The following FRAS1 variants were observed in gnomAD, a reference collection of about 807,000 sequenced individuals.
The protein encoded by FRAS1 is Fraser extracellular matrix complex subunit 1.
In FRAS1, 290 loss-of-function variants were observed where a neutral mutation model predicts 435.2. The ratio of observed to expected loss-of-function variants is 0.67; its 90% CI spans 0.61 to 0.73. The LOEUF is 0.73. Ranked by LOEUF, FRAS1 falls within the 30% of genes least tolerant of loss-of-function variation. The pLI is 0.00. For missense variants in FRAS1, 4,860 were observed against 5,001.5 expected (o/e 0.97, Z 0.85); for synonymous variants, 1,800 against 1,851.0 (o/e 0.97, Z 0.71).
chr4:78,072,196 G>A (rs1740392695), intron 2 of FRAS1: 1 of 152,096 alleles, frequency 6.6e-6, no homozygotes, highest in African/African-American at 2.4e-5. Context: ...AGCAGAAAAA[G>A]ATTTGAGAAC....
intron 27 of FRAS1, among the ~76,000 whole-genome samples, 155 bp from the exon 28 acceptor site, chr4:78,383,904 G>C (rs2110325197): frequency 6.6e-6 from 1 of 152,178 alleles, no homozygotes; most frequent in Admixed American, 6.5e-5. Context: ...TCTTTATCTG[G>C]TAGTTTTTTC....
At chr4:78,274,647 A>C (rs551062527) in intron 9 of FRAS1, among the ~76,000 whole-genome samples, 1 of 152,232 alleles carries the variant, frequency 6.6e-6, no homozygotes, top group South Asian at 2.1e-4. Context: ...CTTAATCCTG[A>C]GTTCTAGTTT....
chr4:78,249,643 C>T (rs887069694), intron 4 of FRAS1, among the ~76,000 whole-genome samples: 12 of 152,000 alleles, frequency 7.9e-5, no homozygotes, highest in African/African-American at 2.9e-4. Flanking sequence ...TTCTTAATTC[C>T]CACAATTCTC....
chr4:78,507,880 G>T lies in FRAS1; in HGVS notation c.9504+272G>T, dbSNP rs140187486. Among the ~76,000 whole-genome samples, 360 of 152,202 alleles carry T rather than the reference G, an allele frequency of 2.4e-3. 1 individual carries two copies. Among genetic ancestry groups the T allele is most frequent in the African/African-American group, 8.1e-3 (335 of 41,530 alleles). On this transcript the variant is annotated intron_variant, in intron 62 of 73. Transcript: ENST00000512123. ...TCCCATAATGCACAGGGAAGCCCCC[G>T]ACAACAAAAGTAATTATTTGGCACA...
chr4:78,366,659 G>A (rs1177223887), intron 22 of FRAS1, among the ~76,000 whole-genome samples: 1 of 152,146 alleles, frequency 6.6e-6, no homozygotes, highest in East Asian at 1.9e-4. Flanking sequence ...CAGATGTGAT[G>A]GTTACAGCAC....
intron 2 of FRAS1, among the ~76,000 whole-genome samples, chr4:78,154,865 A>G (rs1411338689): frequency 6.6e-6 from 1 of 152,198 alleles, no homozygotes; most frequent in Non-Finnish European, 1.5e-5. Context: ...TTGACAATCT[A>G]GCAGCAGATA....
chr4:78,261,741 C>T (rs545940008), intron 6 of FRAS1, among the ~76,000 whole-genome samples: 9 of 152,160 alleles, frequency 5.9e-5, no homozygotes, highest in African/African-American at 2.2e-4. Context: ...AATGGAATGA[C>T]TATCCATTCT....
At chr4:78,208,395 C>G (rs188509614) in intron 2 of FRAS1, among the ~76,000 whole-genome samples, 1 of 152,048 alleles carries the variant, frequency 6.6e-6, no homozygotes, top group African/African-American at 2.4e-5. Flanking sequence ...GCTTTAACAC[C>G]CCCGCAAAAT....
intron 34 of FRAS1, among the ~76,000 whole-genome samples, chr4:78,423,213 C>A (rs1733860517): frequency 6.6e-6 from 1 of 151,702 alleles, no homozygotes; most frequent in Admixed American, 6.6e-5. Context: ...GTCACCCAGG[C>A]TGGAGTGCAG....
chr4:78,085,015 T>G (rs1376278556), intron 2 of FRAS1, among the ~76,000 whole-genome samples: 1 of 152,144 alleles, frequency 6.6e-6, no homozygotes, highest in Non-Finnish European at 1.5e-5. Context: ...TGCTATTACA[T>G]GACTGTGATC....
intron 9 of FRAS1, among the ~76,000 whole-genome samples, chr4:78,268,553 T>C (rs1383211901): frequency 2.0e-5 from 3 of 152,216 alleles, no homozygotes; most frequent in African/African-American, 7.2e-5. Flanking sequence ...CTCGGCAGTC[T>C]GCCCAGAGGA....
In FRAS1 at chr4:78,540,628, T is replaced by A; in HGVS notation, c.11543T>A (p.Leu3848His). The A allele has an allele frequency of 1.9e-6, 3 of 1,590,614 alleles. No homozygotes were observed. The highest frequency in any genetic ancestry group is 2.6e-6 in the Non-Finnish European group (3 of 1,167,864). ...PRVQRSLTAPLRRNRRDLVEP... is the reference protein window; with the variant it reads ...PRVQRSLTAPHRRNRRDLVEP... Reference sequence around the variant, plus strand: ...GTCCAGCGCTCTCTCACAGCTCCACTCAGACGCAACCGAAGGGACCTGGTA... The same window carrying A: ...GTCCAGCGCTCTCTCACAGCTCCACACAGACGCAACCGAAGGGACCTGGTA... Residue 3848 changes from leucine to histidine, a missense_variant, in exon 74 of 74, where the codon CTC (leucine) becomes CAC (histidine). Transcript: ENST00000512123.
intron 2 of FRAS1, among the ~76,000 whole-genome samples, chr4:78,166,927 T>TTGCAAAGACAGCTC (rs1721355500): frequency 6.6e-6 from 1 of 152,214 alleles, no homozygotes. Context: ...ATAGATTGTC[T>TTGCAAAGACAGCTC]TTGCAAGAGC....
chr4:78,303,586 G>T (rs1728540180), intron 14 of FRAS1, among the ~76,000 whole-genome samples: 1 of 152,106 alleles, frequency 6.6e-6, no homozygotes, highest in South Asian at 2.1e-4. Flanking sequence ...TTGTAAGTTG[G>T]ATTCCTAGGT....
At chr4:78,334,138 G>A (rs1184318250) in intron 19 of FRAS1, among the ~76,000 whole-genome samples, 1 of 152,116 alleles carries the variant, frequency 6.6e-6, no homozygotes, top group African/African-American at 2.4e-5. Flanking sequence ...TTATTAAAAA[G>A]ATATGTGCTC....
intron 5 of FRAS1, among the ~76,000 whole-genome samples, chr4:78,254,886 G>A (rs1259231396): frequency 2.0e-5 from 3 of 152,230 alleles, no homozygotes; most frequent in Non-Finnish European, 4.4e-5. Flanking sequence ...AGACACCCCA[G>A]GCTCTACCCT....
chr4:78,229,756 C>T (rs1225609370), intron 2 of FRAS1, among the ~76,000 whole-genome samples: 1 of 151,936 alleles, frequency 6.6e-6, no homozygotes, highest in African/African-American at 2.4e-5. Flanking sequence ...CTAGCCGCTC[C>T]TATTAGCTCC....
At chr4:78,329,690 T>G (rs1385460626) in intron 18 of FRAS1, among the ~76,000 whole-genome samples, 1 of 152,250 alleles carries the variant, frequency 6.6e-6, no homozygotes, top group East Asian at 1.9e-4. Context: ...GTATCACCTA[T>G]TCCTATAACG....
At chr4:78,424,273 A>G (rs542558661) in intron 34 of FRAS1, 115 bp from the exon 35 acceptor site, 17 of 502,532 alleles carry the variant, frequency 3.4e-5, no homozygotes, top group African/African-American at 3.0e-4. Context: ...AAAAAGAATA[A>G]TTTAGATTAA....
Sources: allele counts gnomAD v4.1 joint callset (sites outside exome capture counted in the v4.1 genomes callset), GRCh38; gene constraint gnomAD v4.1.1; transcripts MANE v1.5; gene names NCBI Gene and HGNC (gene_info 2026-07-23, HGNC 2026-07-21).